Variants in CREB5 observed in about 807,000 individuals in gnomAD.
CREB5 encodes the protein cyclic AMP-responsive element-binding protein 5.
A neutral mutation model predicts 57.1 loss-of-function variants in CREB5; 19 were observed. The observed-to-expected ratio is 0.33, with a 90% confidence interval of 0.23 to 0.49. The LOEUF (loss-of-function observed/expected upper bound fraction) is 0.49, where lower values mean the gene tolerates loss of function less well. Ranked by LOEUF, CREB5 falls within the 20% of genes least tolerant of loss-of-function variation. The pLI is 0.99. For missense variants in CREB5, 579 were observed against 671.6 expected, an observed-to-expected ratio of 0.86 and a Z score of 1.52; for synonymous variants, 238 against 238.3, an observed-to-expected ratio of 1.00 and a Z score of 0.01.
intron 4 of CREB5, among the ~76,000 whole-genome samples, chr7:28,535,734 G>A (rs974190015): frequency 1.3e-5 from 2 of 152,042 alleles, no homozygotes; most frequent in African/African-American, 4.8e-5. Context: ...AGGAAGAAAG[G>A]GAGAAAAGAA....
chr7:28,737,198 A>T (rs1340241711), intron 7 of CREB5, among the ~76,000 whole-genome samples: 1 of 152,292 alleles, frequency 6.6e-6, no homozygotes, highest in East Asian at 1.9e-4. Context: ...TTTAAGAACT[A>T]GGAAATGTTT....
chr7:28,680,842 G>C (rs1258122944), intron 5 of CREB5, among the ~76,000 whole-genome samples: 1 of 151,866 alleles, frequency 6.6e-6, no homozygotes, highest in Non-Finnish European at 1.5e-5. Flanking sequence ...GCCCACTCTA[G>C]TCATAGAGAT....
chr7:28,654,588 C>T (rs1365257703), intron 5 of CREB5, among the ~76,000 whole-genome samples: 1 of 152,180 alleles, frequency 6.6e-6, no homozygotes. Flanking sequence ...CATCCATTTA[C>T]CTTTTCTGTA....
intron 1 of CREB5, among the ~76,000 whole-genome samples, chr7:28,389,648 T>A (rs1477191663): frequency 2.1e-5 from 3 of 141,694 alleles, no homozygotes; most frequent in Non-Finnish European, 3.1e-5. Context: ...TTTTTTTTTT[T>A]AAAGGGTTCA....
At chr7:28,811,920 G>A (rs907088400) in intron 9 of CREB5, among the ~76,000 whole-genome samples, 2 of 152,232 alleles carry the variant, frequency 1.3e-5, no homozygotes, top group Non-Finnish European at 2.9e-5. Context: ...TCTGAGGTCT[G>A]CAGAAGGATG....
At chr7:28,471,973 A>G (rs1446817757) in intron 1 of CREB5, among the ~76,000 whole-genome samples, 1 of 152,220 alleles carries the variant, frequency 6.6e-6, no homozygotes, top group East Asian at 1.9e-4. Flanking sequence ...GTTTTGACCA[A>G]CCTTCAATGG....
intron 1 of CREB5, among the ~76,000 whole-genome samples, chr7:28,337,935 C>G (rs772146798): frequency 1.3e-5 from 2 of 152,048 alleles, no homozygotes; most frequent in East Asian, 1.9e-4. Flanking sequence ...TTACTTTAAA[C>G]TGATGACAAC....
rs368931334 is a variant in CREB5, at chr7:28,631,783, G to A, written c.464+61246G>A. 7.9e-5 allele frequency among the ~76,000 whole-genome samples: 12 copies of A among 152,224 alleles called. No homozygotes were observed. In the East Asian group the frequency reaches 2.1e-3, roughly 27 times the overall value. ...ATGAATAATCACAAGTTGGGATAAG[G>A]GTTGCAAAAGAAATGAAAGATCTTG... On this transcript the variant is annotated intron_variant, in intron 5 of 10. Transcript: ENST00000357727.
intron 7 of CREB5, among the ~76,000 whole-genome samples, chr7:28,769,124 A>C (rs565219250): frequency 1.2e-4 from 18 of 152,114 alleles, no homozygotes. Context: ...ATAGTAAAAG[A>C]ACAACATTTT....
intron 1 of CREB5, among the ~76,000 whole-genome samples, chr7:28,446,321 A>G (rs967306230): frequency 6.6e-6 from 1 of 151,968 alleles, no homozygotes; most frequent in Non-Finnish European, 1.5e-5. Flanking sequence ...GGCAGCTCCC[A>G]CAATATGACA....
At chr7:28,376,778 C>T (rs1354330511) in intron 1 of CREB5, among the ~76,000 whole-genome samples, 2 of 152,176 alleles carry the variant, frequency 1.3e-5, no homozygotes, top group Non-Finnish European at 2.9e-5. Context: ...TATGAGCTGT[C>T]TTCTTGGATA....
chr7:28,496,405 A>C (rs989495064), intron 3 of CREB5, among the ~76,000 whole-genome samples: 1 of 152,194 alleles, frequency 6.6e-6, no homozygotes, highest in East Asian at 1.9e-4. Context: ...TTTTATTTTA[A>C]GTTCTGGGAA....
chr7:28,457,754 G>A (rs527957784), intron 1 of CREB5, among the ~76,000 whole-genome samples: 2 of 152,264 alleles, frequency 1.3e-5, no homozygotes, highest in South Asian at 4.1e-4. Flanking sequence ...TAGGATTGGG[G>A]GTAGGCAGGC....
intron 4 of CREB5, among the ~76,000 whole-genome samples, chr7:28,562,533 C>T (rs1264834784): frequency 1.3e-5 from 2 of 152,176 alleles, no homozygotes; most frequent in Admixed American, 6.5e-5. Context: ...AAGTCTAGAA[C>T]CTCACTTATG....
intron 7 of CREB5, among the ~76,000 whole-genome samples, chr7:28,792,303 C>CA (rs201519875): frequency 3.8e-5 from 5 of 133,152 alleles, no homozygotes; most frequent in East Asian, 2.3e-4. Context: ...GACTCTGTCT[C>CA]AAAAAAAAAT....
At chr7:28,454,777 G>T (rs1790015628) in intron 1 of CREB5, among the ~76,000 whole-genome samples, 1 of 152,172 alleles carries the variant, frequency 6.6e-6, no homozygotes, top group African/African-American at 2.4e-5. Context: ...AAAGGACTGA[G>T]TTGAGTTGGT....
intron 5 of CREB5, among the ~76,000 whole-genome samples, chr7:28,646,802 A>T (rs549373219): frequency 7.9e-5 from 12 of 152,266 alleles, no homozygotes; most frequent in East Asian, 3.9e-4. Context: ...AGATTTTTTT[A>T]AAATTGGGCT....
At chr7:28,692,369 GGCA>G (rs1801322016) in intron 5 of CREB5, among the ~76,000 whole-genome samples, 1 of 152,176 alleles carries the variant, frequency 6.6e-6, no homozygotes, top group Non-Finnish European at 1.5e-5. Flanking sequence ...GGCCAAGGCA[GGCA>G]GATCACTTGA....
chr7:28,519,493 A>G (rs1793115068), intron 4 of CREB5, among the ~76,000 whole-genome samples: 1 of 151,756 alleles, frequency 6.6e-6, no homozygotes, highest in Non-Finnish European at 1.5e-5. Flanking sequence ...TGATTTACCC[A>G]TAAGCTGGAG....
Sources: gnomAD v4.1 joint callset for allele counts (sites outside exome capture counted in the v4.1 genomes callset) on GRCh38, gnomAD v4.1.1 for gene constraint, MANE v1.5 for transcripts, NCBI Gene and HGNC (gene_info 2026-07-23, HGNC 2026-07-21) for gene names.